Variants in WDR12 observed in about 807,000 individuals in gnomAD.
WDR12 encodes ribosome biogenesis protein WDR12.
In WDR12, 42 loss-of-function variants were observed where a neutral mutation model predicts 64.3. That is an observed-to-expected ratio of 0.65 (90% CI 0.51 to 0.84). The LOEUF is 0.84. WDR12 is among the 40% of genes least tolerant of loss of function. WDR12 has a pLI of 0.00. For synonymous variants in WDR12, 158 were observed against 173.3 expected (o/e 0.91, Z 0.70); for missense variants, 469 against 494.6 (o/e 0.95, Z 0.49).
In WDR12 at chr2:202,877,963, C is replaced by G. The variant is rs1042698245; in HGVS notation, c.*2897G>C. 1 of 152,188 alleles carries G rather than the reference C, an allele frequency of 6.6e-6. No homozygotes were observed. Among genetic ancestry groups the G allele is most frequent in the African/African-American group, 2.4e-5 (1 of 41,444 alleles). The allele number at this position is 152,188 out of a possible 1,614,324, so 9.4% of individuals were successfully genotyped here. On this transcript the variant is annotated 3_prime_UTR_variant, in exon 13 of 13. Coordinates refer to ENST00000261015, the MANE Select transcript of WDR12 (RefSeq NM_018256.4). ...AAGGGTGTGGAGCAATATCAGAGGA[C>G]TGAATAGTCTAGGCATGTATTGACC... is the stretch of plus-strand genomic sequence containing the variant.
chr2:202,901,061 G>C lies in WDR12; in HGVS notation c.195C>G (p.Pro65=), dbSNP rs201894334. 4.9e-5 allele frequency: 79 copies of C among 1,598,712 alleles called. No homozygotes were observed. The East Asian group carries it at 1.6e-3, about 33-fold the overall frequency. The change falls in exon 3 of 13, where the codon CCC becomes CCG. Residue 65 remains proline, a synonymous_variant. Transcript: ENST00000261015. The stretch of plus-strand genomic sequence containing the variant: ...TCTCCATTTCCATGTGTTTGTCCAA[G>C]GGCATTCGCAGAAACTGGCCCTTAA... ...FLIKGQFLRM[P]LDKHMEMENI... is the part of the protein sequence containing the mutation.
rs1288717224 is a variant in WDR12 at position 202,884,491 on chromosome 2, T to A, written c.786A>T (p.Ser262=). 1 of 1,614,042 alleles carries A rather than the reference T, an allele frequency of 6.2e-7. No homozygotes were observed. The highest frequency in any genetic ancestry group is 8.5e-7 in the Non-Finnish European group (1 of 1,180,040). Residue 262 remains serine, a synonymous_variant, in exon 9 of 13, where the codon TCA becomes TCT. Coordinates refer to ENST00000261015, the MANE Select transcript of WDR12 (RefSeq NM_018256.4). The part of the protein sequence containing the change: ...TLSGHMEAVS[S]VLWSDAEEIC... ...TTTCTTCAGCATCTGACCACAGAACTGAGGAAACTGCCTCCATGTGGCCAG... is the reference window on the plus strand; with the variant it reads ...TTTCTTCAGCATCTGACCACAGAACAGAGGAAACTGCCTCCATGTGGCCAG...
chr2:202,896,054 T>C lies in WDR12; in HGVS notation c.609+11A>G. 8.1e-6 allele frequency: 13 copies of C among 1,609,350 alleles called. No individual in the cohort carries two copies. The highest frequency in any genetic ancestry group is 1.0e-5 in the Non-Finnish European group (12 of 1,178,720). The stretch of plus-strand genomic sequence containing the variant: ...ATTTAACAGAGTACTAATAATATTC[T>C]AGCTACTTACTTTAGTTCCTGAGCC... On this transcript the variant is annotated intron_variant, in intron 6 of 12. Transcript: ENST00000261015.
At chr2:202,903,875 T>C (rs1452568123) in intron 2 of WDR12, among the ~76,000 whole-genome samples, 2 of 152,052 alleles carry the variant, frequency 1.3e-5, no homozygotes, top group African/African-American at 4.8e-5. Context: ...CAGTGGCTCA[T>C]GCCTGTAATC....
rs1230167956 is a variant in WDR12, at chr2:202,896,230, G to A, written c.455-11C>T. On this transcript the variant is annotated splice_polypyrimidine_tract_variant and intron_variant, in intron 5 of 12. Transcript: ENST00000261015. ...AGCAGGACAAACTATCTGGAGAAAG[G>A]AGAACACAAGAATAAGAAACAAATC... The A allele has an allele frequency of 1.2e-6, 2 of 1,610,290 alleles. No homozygotes were observed. Among genetic ancestry groups the A allele is most frequent in the East Asian group, 2.2e-5 (1 of 44,830 alleles).
chr2:202,883,388 A>T (rs1687989220), intron 11 of WDR12: 1 of 428,776 alleles, frequency 2.3e-6, no homozygotes, highest in Non-Finnish European at 4.2e-6. Flanking sequence ...TGCCTGCCTC[A>T]GCCTTCCAAA....
intron 2 of WDR12, among the ~76,000 whole-genome samples, chr2:202,901,729 T>C (rs189325030): frequency 3.3e-5 from 5 of 152,366 alleles, no homozygotes; most frequent in Admixed American, 1.3e-4. Flanking sequence ...ATCTGTTTTG[T>C]AACATTCTGG....
Position 202,906,662 on chromosome 2 carries a change from G to A in WDR12, c.136+1203C>T, listed in dbSNP as rs555021625. 9.9e-5 allele frequency among the ~76,000 whole-genome samples: 15 copies of A among 152,226 alleles called. No individual in the cohort carries two copies. The South Asian group carries it at 2.9e-3, about 29-fold the overall frequency. ...GTGGATCACCTGAGGTCAGGAGTTC[G>A]AGACCAGCCTCGCCAAATGGTGAAA... On this transcript the variant is annotated intron_variant, in intron 2 of 12. Transcript: ENST00000261015.
In WDR12 at chr2:202,881,345, C is replaced by T. The variant is rs1687945140; in HGVS notation, c.1195-408G>A. On this transcript the variant is annotated intron_variant, in intron 12 of 12. Transcript: ENST00000261015. ...AGAATTCTTAGGCAGTAAGAGCTTA[C>T]GTATATACATAAAAATAATTAAATT... is the stretch of plus-strand genomic sequence containing the variant. 2.6e-5 allele frequency among the ~76,000 whole-genome samples: 4 copies of T among 152,250 alleles called. No individual in the cohort carries two copies. The South Asian group carries it at 6.2e-4, about 24-fold the overall frequency.
intron 5 of WDR12, among the ~76,000 whole-genome samples, chr2:202,896,953 C>G (rs879928304): frequency 1.3e-5 from 2 of 152,026 alleles, no homozygotes; most frequent in African/African-American, 4.8e-5. Flanking sequence ...TGCCACTGCA[C>G]GCTAGCCTGG....
rs1687860590 is a variant in WDR12, at chr2:202,876,447, A to G, written c.*4413T>C. On this transcript the variant is annotated 3_prime_UTR_variant, in exon 13 of 13. Transcript: ENST00000261015. The stretch of plus-strand genomic sequence containing the variant: ...AGTCAAAAATGTCAACAATGAAGTG[A>G]CTAAAATGTTCTTGCTGTTTCTACA... 6.6e-6 allele frequency: 1 copy of G among 152,166 alleles called. No homozygotes were observed. Among genetic ancestry groups the G allele is most frequent in the Admixed American group, 6.5e-5 (1 of 15,268 alleles). 9.4% of individuals were successfully genotyped at this position (152,166 alleles called of 1,614,324 possible). A position where few individuals can be genotyped will look rare whatever the true frequency, so the allele number is the denominator to read the frequency against.
chr2:202,891,203 ACT>A (rs1242282442), intron 8 of WDR12, among the ~76,000 whole-genome samples: 2 of 152,046 alleles, frequency 1.3e-5, no homozygotes, highest in Non-Finnish European at 2.9e-5. Context: ...ACAGGGTCTC[ACT>A]CTGTTGCTCA....
In WDR12 at chr2:202,911,658, G is replaced by A. The variant is rs1688664702; in HGVS notation, c.-182C>T. 1 of 624,338 alleles carries A rather than the reference G, an allele frequency of 1.6e-6. No individual in the cohort carries two copies. Among genetic ancestry groups the A allele is most frequent in the African/African-American group, 1.8e-5 (1 of 54,554 alleles). 38.7% of individuals were successfully genotyped at this position (624,338 alleles called of 1,614,324 possible). On this transcript the variant is annotated 5_prime_UTR_variant, in exon 1 of 13. Transcript: ENST00000261015. ...CTCCGGTCTCCTCTGCAGAAAGCAC[G>A]AGGTTGCCCTTCTACAGACGCCCAG... is the stretch of plus-strand genomic sequence containing the variant.
chr2:202,902,208 A>C (rs1225240954), intron 2 of WDR12, among the ~76,000 whole-genome samples: 1 of 152,226 alleles, frequency 6.6e-6, no homozygotes, highest in Non-Finnish European at 1.5e-5. Flanking sequence ...TACAGGAATA[A>C]TTCTTTCCTC....
In WDR12 at chr2:202,878,966, A is replaced by G. The variant is rs1363633923; in HGVS notation, c.*1894T>C. 1 of 152,166 alleles carries G rather than the reference A, an allele frequency of 6.6e-6. No homozygotes were observed. The highest frequency in any genetic ancestry group is 1.5e-5 in the Non-Finnish European group (1 of 68,038). 9.4% of individuals were successfully genotyped at this position (152,166 alleles called of 1,614,324 possible). On this transcript the variant is annotated 3_prime_UTR_variant, in exon 13 of 13. Coordinates refer to ENST00000261015, the MANE Select transcript of WDR12 (RefSeq NM_018256.4). ...TTAATACTGATGAAAGGTTTTGTCT[A>G]AAAAATTTATTCTAATCTACACATG...
intron 11 of WDR12, among the ~76,000 whole-genome samples, chr2:202,883,212 T>C (rs1434251638): frequency 6.6e-6 from 1 of 152,166 alleles, no homozygotes; most frequent in Non-Finnish European, 1.5e-5. Context: ...CTCGGCTCAC[T>C]GCAACCTCCG....
chr2:202,884,272 T>A lies in WDR12; in HGVS notation c.914A>T (p.Tyr305Phe). The A allele has an allele frequency of 6.2e-7, 1 of 1,614,040 alleles. No homozygotes were observed. The highest frequency in any genetic ancestry group is 1.7e-4 in the Middle Eastern group (1 of 5,956). The change falls in exon 10 of 13, where the codon TAT becomes TTT. Residue 305 changes from tyrosine (Y) to phenylalanine (F), a missense_variant. Physicochemically the swap from Tyr to Phe is conservative, Grantham distance 22. Coordinates refer to ENST00000261015, the MANE Select transcript of WDR12 (RefSeq NM_018256.4). ...TGCTAAACGTTTACAAAGTGGAGAA[T>A]AGGAAATACAATTAAACACTTTATT... ...TGNKVFNCIS[Y>F]SPLCKRLASG...
rs1476785530 is a variant in WDR12 at position 202,899,541 on chromosome 2, C to T, written c.328G>A (p.Ala110Thr). 5.0e-6 allele frequency: 8 copies of T among 1,613,498 alleles called. 1 individual carries two copies. The highest frequency in any genetic ancestry group is 3.3e-5 in the South Asian group (3 of 91,010). ...TTAATCTGGCAATACCATTCCTCTG[C>T]CCCTTTAATTGAACTGATCCAGTCA... is the stretch of plus-strand genomic sequence containing the variant. ...HDDWISSIKG[A>T]EEWILTGSYD... Residue 110 changes from alanine (A) to threonine (T), a missense_variant, in exon 4 of 13, where the codon GCA becomes ACA. Ala to Thr is a moderately conservative substitution (Grantham distance 58, BLOSUM62 0). Transcript: ENST00000261015.
chr2:202,884,561 G>T, intron 8 of WDR12, 26 bp from the exon 9 acceptor site: 1 of 1,594,286 alleles, frequency 6.3e-7, no homozygotes, highest in South Asian at 1.1e-5. Flanking sequence ...CCCAAAAGGG[G>T]AAAGTGTTTT....
Sources: gnomAD v4.1 joint callset for allele counts (sites outside exome capture counted in the v4.1 genomes callset) on GRCh38, gnomAD v4.1.1 for gene constraint, MANE v1.5 for transcripts, NCBI Gene and HGNC (gene_info 2026-07-23, HGNC 2026-07-21) for gene names.